Variants in ZFPM2 observed in about 807,000 individuals in gnomAD.
ZFPM2 encodes zinc finger protein ZFPM2.
In ZFPM2, 20 loss-of-function variants were observed where a neutral mutation model predicts 98.6. That is an observed-to-expected ratio of 0.20 (90% confidence interval 0.14 to 0.29). ZFPM2 has a LOEUF of 0.29. ZFPM2 is among the 10% of genes least tolerant of loss of function. The pLI is 1.00. For synonymous variants in ZFPM2, 518 were observed against 502.7 expected, an observed-to-expected ratio of 1.03 and a Z score of -0.41; for missense variants, 1,310 against 1,388.6, an observed-to-expected ratio of 0.94 and a Z score of 0.90.
intron 3 of ZFPM2, among the ~76,000 whole-genome samples, chr8:105,497,354 C>T (rs559834805): frequency 6.6e-6 from 1 of 152,006 alleles, no homozygotes; most frequent in South Asian, 2.1e-4. Context: ...CAGAAAAAGA[C>T]CATTAAAAGC....
At chr8:105,508,326 G>C (rs1356955370) in intron 3 of ZFPM2, among the ~76,000 whole-genome samples, 2 of 152,052 alleles carry the variant, frequency 1.3e-5, no homozygotes, top group Non-Finnish European at 2.9e-5. Context: ...AGTCCCGCCT[G>C]ATTAAGAGAA....
At chr8:105,503,270 G>A (rs1005813336) in intron 3 of ZFPM2, among the ~76,000 whole-genome samples, 3 of 152,152 alleles carry the variant, frequency 2.0e-5, no homozygotes, top group Admixed American at 6.6e-5. Context: ...CTCGAAGAGG[G>A]TAGAAGAGGG....
At chr8:105,618,693 G>A (rs1172308706) in intron 4 of ZFPM2, among the ~76,000 whole-genome samples, 1 of 152,046 alleles carries the variant, frequency 6.6e-6, no homozygotes, top group African/African-American at 2.4e-5. Context: ...TGACATAAAT[G>A]CGTTTATTAT....
At chr8:105,346,003 G>T (rs1812516574) in intron 1 of ZFPM2, among the ~76,000 whole-genome samples, 1 of 151,938 alleles carries the variant, frequency 6.6e-6, no homozygotes, top group Non-Finnish European at 1.5e-5. Flanking sequence ...AAATTGACAA[G>T]TATTTGAATG....
chr8:105,646,528 G>T (rs908751692), intron 5 of ZFPM2, among the ~76,000 whole-genome samples: 1 of 152,112 alleles, frequency 6.6e-6, no homozygotes, highest in Non-Finnish European at 1.5e-5. Context: ...TGTTCAATCT[G>T]CTAGCAGACT....
intron 1 of ZFPM2, among the ~76,000 whole-genome samples, chr8:105,353,137 CCTAA>C (rs1464177532): frequency 2.0e-5 from 3 of 152,060 alleles, no homozygotes; most frequent in Non-Finnish European, 4.4e-5. Flanking sequence ...CTTTTACCTT[CCTAA>C]CTTTCACCTT....
At chr8:105,628,757 TA>T (rs1428570620) in intron 4 of ZFPM2, among the ~76,000 whole-genome samples, 1 of 152,016 alleles carries the variant, frequency 6.6e-6, no homozygotes, top group Non-Finnish European at 1.5e-5. Context: ...GCCACTTTCG[TA>T]GACAATAAAA....
At chr8:105,336,727 C>CACAG (rs1475622313) in intron 1 of ZFPM2, among the ~76,000 whole-genome samples, 1 of 149,576 alleles carries the variant, frequency 6.7e-6, no homozygotes, top group South Asian at 2.1e-4. Context: ...CACACACACA[C>CACAG]ACAGACATAT....
At chr8:105,479,569 A>C (rs1813078079) in intron 3 of ZFPM2, among the ~76,000 whole-genome samples, 1 of 152,202 alleles carries the variant, frequency 6.6e-6, no homozygotes, top group Admixed American at 6.5e-5. Context: ...CTAACCAGTG[A>C]AATATTTAAT....
intron 6 of ZFPM2, among the ~76,000 whole-genome samples, chr8:105,792,255 C>T (rs1208076353): frequency 3.9e-5 from 6 of 152,172 alleles, no homozygotes; most frequent in Non-Finnish European, 7.3e-5. Context: ...CTACACACTG[C>T]TTTGAATGTG....
In ZFPM2 at chr8:105,377,568, C is replaced by A. The variant is rs866822715; in HGVS notation, c.41-41576C>A. 5.1e-5 allele frequency among the ~76,000 whole-genome samples: 7 copies of A among 137,712 alleles called. 1 individual carries two copies. In the South Asian group the frequency reaches 1.6e-3, roughly 31 times the overall value. The allele number at this position is 137,712 out of a possible 152,430, so 90.3% of individuals were successfully genotyped here. A position where few individuals can be genotyped will look rare whatever the true frequency, so the allele number is the denominator to read the frequency against. Reference sequence around the variant, plus strand: ...CTTGAGGCCAGGAGTTTGCGACCAGCTTGGCCAACATAGCAAAACCCCGTT... The same window carrying A: ...CTTGAGGCCAGGAGTTTGCGACCAGATTGGCCAACATAGCAAAACCCCGTT... On this transcript the variant is annotated intron_variant, in intron 1 of 7. Coordinates refer to ENST00000407775, the MANE Select transcript of ZFPM2 (RefSeq NM_012082.4).
intron 1 of ZFPM2, among the ~76,000 whole-genome samples, chr8:105,410,379 G>A (rs746086957): frequency 6.6e-6 from 1 of 151,898 alleles, no homozygotes; most frequent in South Asian, 2.1e-4. Flanking sequence ...AAACTTGGTC[G>A]CCAAAGCCCT....
chr8:105,649,849 G>T (rs1236992385), intron 5 of ZFPM2, among the ~76,000 whole-genome samples: 1 of 152,016 alleles, frequency 6.6e-6, no homozygotes, highest in African/African-American at 2.4e-5. Context: ...TCTCTTTTTT[G>T]GTTGTGTCTC....
At chr8:105,320,833 G>A (rs927724307) in intron 1 of ZFPM2, among the ~76,000 whole-genome samples, 9 of 152,250 alleles carry the variant, frequency 5.9e-5, no homozygotes, top group African/African-American at 2.2e-4. Flanking sequence ...AAACATTTTA[G>A]TGGTTTATTT....
At chr8:105,380,725 TAA>T (rs1427759199) in intron 1 of ZFPM2, among the ~76,000 whole-genome samples, 1 of 40,046 alleles carries the variant, frequency 2.5e-5, no homozygotes, top group African/African-American at 1.8e-4. Context: ...ATATTATATA[TAA>T]CATATATATT....
intron 4 of ZFPM2, among the ~76,000 whole-genome samples, chr8:105,584,456 G>T (rs1298344015): frequency 6.6e-6 from 1 of 152,100 alleles, no homozygotes; most frequent in African/African-American, 2.4e-5. Flanking sequence ...TTAGGCCTGT[G>T]TATCAATTTC....
intron 4 of ZFPM2, among the ~76,000 whole-genome samples, chr8:105,573,891 A>G (rs1815408334): frequency 6.6e-6 from 1 of 152,200 alleles, no homozygotes; most frequent in Non-Finnish European, 1.5e-5. Context: ...TATCTTGGGT[A>G]ATCATACATG....
chr8:105,698,615 C>T (rs887930304), intron 5 of ZFPM2, among the ~76,000 whole-genome samples: 10 of 152,154 alleles, frequency 6.6e-5, no homozygotes, highest in African/African-American at 1.9e-4. Context: ...GTTGGAAAAA[C>T]TTGATTTAGC....
chr8:105,669,188 G>A (rs1266638447), intron 5 of ZFPM2, among the ~76,000 whole-genome samples: 1 of 151,848 alleles, frequency 6.6e-6, no homozygotes, highest in African/African-American at 2.4e-5. Flanking sequence ...GGTGAATATA[G>A]GTTCATGAAA....
Sources: gnomAD v4.1 joint callset for allele counts (sites outside exome capture counted in the v4.1 genomes callset) on GRCh38, gnomAD v4.1.1 for gene constraint, MANE v1.5 for transcripts, NCBI Gene and HGNC (gene_info 2026-07-23, HGNC 2026-07-21) for gene names.